ACER1: variants seen among roughly 807,000 people sequenced by gnomAD.
The protein encoded by ACER1 is alkaline ceramidase 1.
Under a neutral mutation model 24.9 loss-of-function variants are expected in ACER1, and 28 were observed. The ratio of observed to expected loss-of-function variants is 1.13; its 90% CI spans 0.83 to 1.54. The LOEUF is 1.54. Ranked by LOEUF, ACER1 falls within the 40% of genes most tolerant of loss-of-function variation. The pLI, the probability that ACER1 is intolerant of heterozygous loss-of-function variation, is 0.00. For synonymous variants in ACER1, 132 were observed against 131.4 expected (o/e 1.00, Z -0.03); for missense variants, 352 against 349.3 (o/e 1.01, Z -0.06).
At chr19:6,337,125 G>A (rs1321236780), upstream of ACER1, among the ~76,000 whole-genome samples, 1 of 150,870 alleles carries the variant, frequency 6.6e-6, no homozygotes, top group Non-Finnish European at 1.5e-5. Context: ...GCAGTGAGCC[G>A]AGATTGCACC....
the ACER1 span, among the ~76,000 whole-genome samples, chr19:6,353,156 C>T: frequency 6.6e-6 from 1 of 152,134 alleles, no homozygotes; most frequent in Non-Finnish European, 1.5e-5. Flanking sequence ...AAGAGAAATT[C>T]TGTCTCTATA....
chr19:6,306,887 G>A lies in ACER1; in HGVS notation c.627-5C>T, dbSNP rs2144992985. Reference sequence around the variant, plus strand: ...GTGATGCTGATGAGCACATGCCTGTGGAGTGCAGGGCGAAGGTGGCGAGGG... The same window carrying A: ...GTGATGCTGATGAGCACATGCCTGTAGAGTGCAGGGCGAAGGTGGCGAGGG... On this transcript the variant is annotated splice_region_variant and splice_polypyrimidine_tract_variant and intron_variant, in intron 5 of 5. Coordinates refer to ENST00000301452, the MANE Select transcript of ACER1 (RefSeq NM_133492.3). 2 of 1,610,474 alleles carry A rather than the reference G, an allele frequency of 1.2e-6. No homozygotes were observed. Among genetic ancestry groups the A allele is most frequent in the South Asian group, 1.1e-5 (1 of 90,744 alleles).
chr19:6,355,059 G>A, the ACER1 span, among the ~76,000 whole-genome samples: 5 of 152,256 alleles, frequency 3.3e-5, no homozygotes, highest in East Asian at 1.9e-4. Flanking sequence ...TCCTAAGTGC[G>A]AGTGATCCGC....
upstream of ACER1, among the ~76,000 whole-genome samples, chr19:6,337,920 AC>A (rs1174789015): frequency 6.7e-6 from 1 of 149,906 alleles, no homozygotes; most frequent in Non-Finnish European, 1.5e-5. Context: ...CTCGTGATCC[AC>A]CCACCTCGGC....
At chr19:6,355,815 G>C in the ACER1 span, among the ~76,000 whole-genome samples, 4 of 145,064 alleles carry the variant, frequency 2.8e-5, no homozygotes, top group Non-Finnish European at 4.5e-5. Flanking sequence ...TCAGCCCCCC[G>C]CCCGGCCAGC....
the ACER1 span, among the ~76,000 whole-genome samples, chr19:6,347,109 A>AAAAAAAAAAATATATATATAT: frequency 8.8e-5 from 10 of 113,774 alleles, no homozygotes; most frequent in African/African-American, 4.5e-4. Flanking sequence ...AAAAAAAAAA[A>AAAAAAAAAAATATATATATAT]ATATATATAT....
the ACER1 span, among the ~76,000 whole-genome samples, chr19:6,358,438 C>T: frequency 1.3e-5 from 2 of 152,126 alleles, no homozygotes; most frequent in Non-Finnish European, 2.9e-5. Flanking sequence ...ACTGCAGTCC[C>T]CTCGAGGTTA....
chr19:6,320,102 C>CA (rs59776363), intron 1 of ACER1, among the ~76,000 whole-genome samples: 1,949 of 101,390 alleles, frequency 0.019, 27 homozygotes, highest in South Asian at 0.037. Context: ...GATTCTGTCT[C>CA]AAAAAAAAAA....
chr19:6,311,156 AG>A (rs2091577867), intron 3 of ACER1, among the ~76,000 whole-genome samples: 2 of 131,056 alleles, frequency 1.5e-5, no homozygotes, highest in African/African-American at 5.8e-5. Flanking sequence ...GATGTCAGAC[AG>A]TGGCTCTCCA....
At chr19:6,339,906 C>G in the ACER1 span, among the ~76,000 whole-genome samples, 2 of 151,716 alleles carry the variant, frequency 1.3e-5, no homozygotes, top group Non-Finnish European at 2.9e-5. Context: ...ACCTCATGAT[C>G]CGCCCGCCTC....
the ACER1 span, among the ~76,000 whole-genome samples, chr19:6,352,196 A>T: frequency 6.6e-6 from 1 of 151,606 alleles, no homozygotes; most frequent in African/African-American, 2.4e-5. Flanking sequence ...TGCCCCTGCC[A>T]CTCCTCCGCC....
upstream of ACER1, among the ~76,000 whole-genome samples, chr19:6,335,206 AT>A (rs1330963033): frequency 7.6e-6 from 1 of 130,850 alleles, no homozygotes; most frequent in East Asian, 2.2e-4. Flanking sequence ...GATTTTCAGT[AT>A]TATCTCATTT....
At chr19:6,308,295 C>T (rs1014611810) in intron 4 of ACER1, among the ~76,000 whole-genome samples, 10 of 151,524 alleles carry the variant, frequency 6.6e-5, no homozygotes, top group East Asian at 3.9e-4. Context: ...ATTAGCCGGG[C>T]GTGGTGGCGT....
intron 1 of ACER1, among the ~76,000 whole-genome samples, chr19:6,330,490 G>A (rs1198316298): frequency 6.7e-6 from 1 of 150,110 alleles, no homozygotes; most frequent in Non-Finnish European, 1.5e-5. Flanking sequence ...TTTAAATTTT[G>A]TGTAGGGACT....
At chr19:6,356,444 C>T in the ACER1 span, among the ~76,000 whole-genome samples, 5,947 of 146,250 alleles carry the variant, frequency 0.041, 189 homozygotes, top group African/African-American at 0.085. Flanking sequence ...TCCCCCTCTG[C>T]GAGAAACACC....
At chr19:6,318,427 C>G (rs555992727) in intron 1 of ACER1, among the ~76,000 whole-genome samples, 1 of 151,634 alleles carries the variant, frequency 6.6e-6, no homozygotes, top group African/African-American at 2.4e-5. Context: ...TGAGATCACA[C>G]GATTGCATTC....
chr19:6,306,658 T>C lies in ACER1; in HGVS notation c.*56A>G. ...GGTGCAAGTCCTGACCGGGGCTATC[T>C]TCTCAAGACACAGGCAAGTTGTTGG... is the stretch of plus-strand genomic sequence containing the variant. On this transcript the variant is annotated 3_prime_UTR_variant, in exon 6 of 6. Transcript: ENST00000301452. 6.5e-7 allele frequency: 1 copy of C among 1,549,380 alleles called. No individual in the cohort carries two copies. Among genetic ancestry groups the C allele is most frequent in the South Asian group, 1.2e-5 (1 of 81,730 alleles).
At chr19:6,347,012 C>T in the ACER1 span, among the ~76,000 whole-genome samples, 10 of 148,866 alleles carry the variant, frequency 6.7e-5, no homozygotes, top group East Asian at 4.0e-4. Flanking sequence ...CTATAATCTC[C>T]GCACTTTGGG....
At chr19:6,313,662 A>G (rs920448814) in intron 1 of ACER1, among the ~76,000 whole-genome samples, 2 of 152,336 alleles carry the variant, frequency 1.3e-5, no homozygotes, top group East Asian at 3.9e-4. Flanking sequence ...CATGGATGTC[A>G]TGAGTTGACC....
Sources: allele counts gnomAD v4.1 joint callset (sites outside exome capture counted in the v4.1 genomes callset), GRCh38; gene constraint gnomAD v4.1.1; transcripts MANE v1.5; gene names NCBI Gene and HGNC (gene_info 2026-07-23, HGNC 2026-07-21).